Variants in CSMD1 observed in about 807,000 individuals in gnomAD.
CSMD1 encodes the protein CUB and Sushi multiple domains 1.
CSMD1 carries 213 observed loss-of-function variants against 417.5 expected under a neutral mutation model. That is an observed-to-expected ratio of 0.51 (90% CI 0.46 to 0.57). The LOEUF is 0.57. Among genes scored for constraint, CSMD1 ranks in the 20% least tolerant of loss-of-function variants. The pLI, the probability that CSMD1 is intolerant of heterozygous loss-of-function variation, is 0.00. For missense variants in CSMD1, 6,923 were observed against 4,529.7 expected (o/e 1.53, Z -15.17); for synonymous variants, 2,862 against 1,736.8 (o/e 1.65, Z -16.11).
intron 3 of CSMD1, among the ~76,000 whole-genome samples, chr8:4,036,701 G>C (rs1326752080): frequency 6.6e-6 from 1 of 152,218 alleles, no homozygotes; most frequent in Non-Finnish European, 1.5e-5. Context: ...CATTGTATCT[G>C]ACGTAAAGGA....
At chr8:3,115,422 A>C (rs1472489598) in intron 42 of CSMD1, among the ~76,000 whole-genome samples, 1 of 152,054 alleles carries the variant, frequency 6.6e-6, no homozygotes. Context: ...GGCTTGTCTC[A>C]AACTCCTGAC....
At chr8:3,702,078 A>G (rs1433818746) in intron 7 of CSMD1, 1 of 152,158 alleles carries the variant, frequency 6.6e-6, no homozygotes, top group Non-Finnish European at 1.5e-5. Flanking sequence ...TTCCAGGGGC[A>G]TTTATTTTAT....
intron 1 of CSMD1, among the ~76,000 whole-genome samples, chr8:4,671,150 G>T (rs376305274): frequency 1.3e-5 from 2 of 152,166 alleles, no homozygotes; most frequent in African/African-American, 4.8e-5. Flanking sequence ...AAATCCTGCG[G>T]CATGATTTAT....
chr8:3,816,474 C>T (rs2129080023), intron 5 of CSMD1, among the ~76,000 whole-genome samples: 1 of 152,236 alleles, frequency 6.6e-6, no homozygotes, highest in East Asian at 1.9e-4. Flanking sequence ...TTATGAATCT[C>T]TCGCTGTGCC....
intron 1 of CSMD1, among the ~76,000 whole-genome samples, chr8:4,837,269 TCTA>T (rs1297207457): frequency 1.3e-5 from 2 of 152,092 alleles, no homozygotes; most frequent in African/African-American, 4.8e-5. Flanking sequence ...AAAAAGGAAA[TCTA>T]CACATCAAGA....
chr8:4,113,576 C>T (rs546415726), intron 3 of CSMD1, among the ~76,000 whole-genome samples: 2 of 151,934 alleles, frequency 1.3e-5, no homozygotes, highest in East Asian at 3.9e-4. Context: ...GGCTAATTTT[C>T]TGTTATTTTA....
chr8:4,893,792 G>C (rs946563747), intron 1 of CSMD1, among the ~76,000 whole-genome samples: 4 of 152,088 alleles, frequency 2.6e-5, no homozygotes, highest in African/African-American at 7.2e-5. Context: ...ACATTGTTCA[G>C]ATTCCAATGT....
chr8:3,849,294 C>T (rs898340171), intron 5 of CSMD1, among the ~76,000 whole-genome samples: 1 of 152,060 alleles, frequency 6.6e-6, no homozygotes, highest in Non-Finnish European at 1.5e-5. Flanking sequence ...GACAAAGATA[C>T]AGGGCGGACT....
At chr8:4,955,320 T>C (rs565671329) in intron 1 of CSMD1, among the ~76,000 whole-genome samples, 4 of 152,200 alleles carry the variant, frequency 2.6e-5, no homozygotes, top group Non-Finnish European at 5.9e-5. Context: ...AAACTAAGGT[T>C]ATAAATACAG....
chr8:4,065,079 TA>T (rs1340292270), intron 3 of CSMD1, among the ~76,000 whole-genome samples: 2 of 152,234 alleles, frequency 1.3e-5, no homozygotes, highest in African/African-American at 4.8e-5. Flanking sequence ...TTTTACCGAA[TA>T]TAAAAATTGT....
At chr8:4,374,587 C>A (rs1033505055) in intron 3 of CSMD1, among the ~76,000 whole-genome samples, 28 of 152,176 alleles carry the variant, frequency 1.8e-4, no homozygotes, top group African/African-American at 6.5e-4. Context: ...CATGGGAAGA[C>A]AAGGGAAGCA....
intron 6 of CSMD1, among the ~76,000 whole-genome samples, chr8:3,730,763 G>C (rs1272532220): frequency 6.6e-6 from 1 of 152,152 alleles, no homozygotes; most frequent in African/African-American, 2.4e-5. Flanking sequence ...CCAGAGTTAT[G>C]TGTCACTCAG....
intron 3 of CSMD1, among the ~76,000 whole-genome samples, chr8:4,383,649 T>C (rs555143981): frequency 6.6e-6 from 1 of 152,278 alleles, no homozygotes; most frequent in Admixed American, 6.5e-5. Context: ...TACTTCAGTG[T>C]TCAGAGAAAT....
chr8:4,335,325 G>A (rs550361918), intron 3 of CSMD1, among the ~76,000 whole-genome samples: 2 of 152,072 alleles, frequency 1.3e-5, no homozygotes, highest in Admixed American at 6.6e-5. Context: ...TTCAACCTCG[G>A]ACTTTTGTGG....
intron 1 of CSMD1, among the ~76,000 whole-genome samples, chr8:4,872,976 T>C (rs1802820804): frequency 6.6e-6 from 1 of 152,154 alleles, no homozygotes; most frequent in African/African-American, 2.4e-5. Context: ...AAATTGTATA[T>C]ATTTAAGGTG....
At chr8:4,069,578 T>A (rs573142705) in intron 3 of CSMD1, among the ~76,000 whole-genome samples, 1 of 152,294 alleles carries the variant, frequency 6.6e-6, no homozygotes, top group South Asian at 2.1e-4. Flanking sequence ...TCCATGCAGA[T>A]GTATCTTGGG....
intron 26 of CSMD1, among the ~76,000 whole-genome samples, chr8:3,231,894 G>A (rs1214434739): frequency 1.3e-5 from 2 of 152,184 alleles, no homozygotes; most frequent in Non-Finnish European, 2.9e-5. Flanking sequence ...TGAAGATGAA[G>A]TGTGAAAATT....
intron 52 of CSMD1, among the ~76,000 whole-genome samples, chr8:3,007,746 G>T (rs1440878561): frequency 1.5e-5 from 2 of 134,012 alleles, no homozygotes; most frequent in Admixed American, 9.0e-5. Flanking sequence ...ACAGGAAGGG[G>T]AACATCACAC....
intron 3 of CSMD1, among the ~76,000 whole-genome samples, chr8:4,409,098 A>T (rs1337562015): frequency 6.6e-6 from 1 of 152,198 alleles, no homozygotes; most frequent in Non-Finnish European, 1.5e-5. Context: ...CCTTTTTTAA[A>T]GTTTAGCATC....
Sources: gnomAD v4.1 joint callset for allele counts (sites outside exome capture counted in the v4.1 genomes callset) on GRCh38, gnomAD v4.1.1 for gene constraint, MANE v1.5 for transcripts, NCBI Gene and HGNC (gene_info 2026-07-23, HGNC 2026-07-21) for gene names.